Variants in CLSTN2 observed in about 807,000 individuals in gnomAD.
CLSTN2 encodes the protein calsyntenin-2.
Under a neutral mutation model 101.2 loss-of-function variants are expected in CLSTN2, and 48 were observed. The ratio of observed to expected loss-of-function variants is 0.47; its 90% CI spans 0.38 to 0.60. The LOEUF is 0.60. CLSTN2 is among the 20% of genes least tolerant of loss of function. The pLI is 0.00. For synonymous variants in CLSTN2, 481 were observed against 463.6 expected, an observed-to-expected ratio of 1.04 and a Z score of -0.48; for missense variants, 1,160 against 1,238.2, an observed-to-expected ratio of 0.94 and a Z score of 0.95.
intron 8 of CLSTN2, among the ~76,000 whole-genome samples, chr3:140,487,719 TC>T (rs1304928882): frequency 1.3e-5 from 2 of 152,226 alleles, no homozygotes. Context: ...AGACCCCTTG[TC>T]CCTCTGTTTA....
chr3:139,952,180 C>T (rs895937218), intron 1 of CLSTN2, among the ~76,000 whole-genome samples: 3 of 152,216 alleles, frequency 2.0e-5, no homozygotes, highest in Non-Finnish European at 4.4e-5. Context: ...TTCAGCCCAA[C>T]AGTAACTTCA....
chr3:140,563,885 G>A, intron 15 of CLSTN2, 76 bp from the exon 16 acceptor site: 1 of 1,450,240 alleles, frequency 6.9e-7, no homozygotes, highest in East Asian at 2.3e-5. Context: ...ATGCACGGAT[G>A]TTTCATTCAT....
chr3:139,973,565 A>G (rs1243383132), intron 1 of CLSTN2, among the ~76,000 whole-genome samples: 1 of 152,006 alleles, frequency 6.6e-6, no homozygotes, highest in Non-Finnish European at 1.5e-5. Flanking sequence ...GAGAATAGGA[A>G]CTTGGGGCTC....
chr3:140,226,731 A>G (rs1576474331), intron 2 of CLSTN2, among the ~76,000 whole-genome samples: 1 of 152,314 alleles, frequency 6.6e-6, no homozygotes, highest in African/African-American at 2.4e-5. Context: ...CAACTTACAA[A>G]AGAAAGACAG....
chr3:140,154,384 G>A (rs2009915128), intron 1 of CLSTN2, among the ~76,000 whole-genome samples: 1 of 152,250 alleles, frequency 6.6e-6, no homozygotes, highest in African/African-American at 2.4e-5. Flanking sequence ...GGTGGTAGGA[G>A]ATGAGTTAGG....
At chr3:140,057,754 T>C (rs889209328) in intron 1 of CLSTN2, among the ~76,000 whole-genome samples, 1 of 152,180 alleles carries the variant, frequency 6.6e-6, no homozygotes, top group Non-Finnish European at 1.5e-5. Flanking sequence ...GGCCCAATTA[T>C]CACTGCGGCT....
chr3:140,537,850 C>G (rs1471201531), intron 9 of CLSTN2, among the ~76,000 whole-genome samples: 1 of 152,132 alleles, frequency 6.6e-6, no homozygotes, highest in African/African-American at 2.4e-5. Context: ...TCCTGATCAC[C>G]TGGGTACTAT....
chr3:140,027,396 G>T (rs902517061), intron 1 of CLSTN2, among the ~76,000 whole-genome samples: 1 of 152,110 alleles, frequency 6.6e-6, no homozygotes, highest in African/African-American at 2.4e-5. Flanking sequence ...GAAGATGGAG[G>T]CAGCCCCAAA....
intron 1 of CLSTN2, among the ~76,000 whole-genome samples, chr3:140,092,334 G>T (rs2008793304): frequency 6.6e-6 from 1 of 152,228 alleles, no homozygotes; most frequent in South Asian, 2.1e-4. Context: ...TGAGAGACAT[G>T]CCCCTGTTTT....
intron 1 of CLSTN2, among the ~76,000 whole-genome samples, chr3:140,086,385 G>A (rs2008680796): frequency 6.6e-6 from 1 of 152,122 alleles, no homozygotes; most frequent in Admixed American, 6.6e-5. Flanking sequence ...TGTGATATTA[G>A]ACAAATGACT....
chr3:140,478,846 AAGAAAGGAAGGAAGGAAGGGGGAAGG>A (rs1934048086), intron 8 of CLSTN2, among the ~76,000 whole-genome samples: 1 of 142,940 alleles, frequency 7.0e-6, no homozygotes, highest in Admixed American at 7.3e-5. Flanking sequence ...GGGAGAGAGG[AAGAAAGGAAGGAAGGAAGGGGGAAGG>A]AGGAAGGAAG....
In CLSTN2 at chr3:140,575,990, G is replaced by C. The variant is rs1030921169; in HGVS notation, c.*9737G>C. Reference sequence around the variant, plus strand: ...TTACCGTTAGCTCTCAAAGCAGTGGGAATAGTGCTTGGCACATAGTAGGAG... The same window carrying C: ...TTACCGTTAGCTCTCAAAGCAGTGGCAATAGTGCTTGGCACATAGTAGGAG... On this transcript the variant is annotated 3_prime_UTR_variant, in exon 17 of 17. Transcript: ENST00000458420. 4.6e-5 allele frequency: 7 copies of C among 152,172 alleles called. 1 individual carries two copies. Among genetic ancestry groups the C allele is most frequent in the African/African-American group, 1.7e-4 (7 of 41,444 alleles). The allele number at this position is 152,172 out of a possible 1,614,324, so 9.4% of individuals were successfully genotyped here.
intron 1 of CLSTN2, among the ~76,000 whole-genome samples, chr3:140,139,163 G>A (rs951518139): frequency 3.3e-5 from 5 of 152,176 alleles, no homozygotes; most frequent in African/African-American, 1.2e-4. Context: ...GGGAGAGAGA[G>A]CATGTTGCAG....
intron 2 of CLSTN2, among the ~76,000 whole-genome samples, chr3:140,196,807 C>T (rs901060994): frequency 3.9e-5 from 6 of 152,202 alleles, no homozygotes; most frequent in Admixed American, 1.3e-4. Context: ...ATTCATATAG[C>T]ACTGTGATCA....
intron 1 of CLSTN2, among the ~76,000 whole-genome samples, chr3:140,164,600 T>C (rs979959402): frequency 6.6e-6 from 1 of 152,176 alleles, no homozygotes; most frequent in African/African-American, 2.4e-5. Flanking sequence ...CCCCTTACAC[T>C]CAACCTCAGG....
intron 2 of CLSTN2, among the ~76,000 whole-genome samples, chr3:140,356,068 A>C (rs1354714188): frequency 6.6e-6 from 1 of 152,184 alleles, no homozygotes. Flanking sequence ...GGAGCCTTCC[A>C]TTCTGTGGTA....
At chr3:140,263,052 A>C (rs1255953742) in intron 2 of CLSTN2, among the ~76,000 whole-genome samples, 1 of 149,308 alleles carries the variant, frequency 6.7e-6, no homozygotes, top group East Asian at 2.0e-4. Flanking sequence ...CATCCCCCCC[A>C]AAAAAACCCC....
At chr3:140,345,242 A>G (rs932197723) in intron 2 of CLSTN2, among the ~76,000 whole-genome samples, 3 of 146,280 alleles carry the variant, frequency 2.1e-5, no homozygotes, top group Non-Finnish European at 4.5e-5. Flanking sequence ...GAGTGGATAT[A>G]GCCTTTTTTT....
intron 2 of CLSTN2, among the ~76,000 whole-genome samples, chr3:140,391,972 C>A (rs1237915139): frequency 6.6e-6 from 1 of 151,992 alleles, no homozygotes; most frequent in African/African-American, 2.4e-5. Context: ...TAAAGAAGGT[C>A]AAATCCACTG....
Sources: allele counts gnomAD v4.1 joint callset (sites outside exome capture counted in the v4.1 genomes callset), GRCh38; gene constraint gnomAD v4.1.1; transcripts MANE v1.5; gene names NCBI Gene and HGNC (gene_info 2026-07-23, HGNC 2026-07-21).